ZDHHC20: variants seen among roughly 807,000 people sequenced by gnomAD.
The protein encoded by ZDHHC20 is zDHHC palmitoyltransferase 20.
Under a neutral mutation model 57.8 loss-of-function variants are expected in ZDHHC20, and 43 were observed. That is an observed-to-expected ratio of 0.74 (90% confidence interval 0.58 to 0.96). The LOEUF (loss-of-function observed/expected upper bound fraction) is 0.96. Among genes scored for constraint, ZDHHC20 ranks in the 40% least tolerant of loss-of-function variants. The probability of loss-of-function intolerance (pLI) is 0.00; values close to 1 mark genes in which losing one functional copy is unlikely to be tolerated. For missense variants in ZDHHC20, 391 were observed against 441.1 expected (o/e 0.89, Z 1.02); for synonymous variants, 157 against 153.0 (o/e 1.03, Z -0.19).
chr13:21,448,415 TG>T (rs1389002092), intron 1 of ZDHHC20, among the ~76,000 whole-genome samples: 1 of 51,120 alleles, frequency 2.0e-5, no homozygotes. Flanking sequence ...GGGAGGGAGG[TG>T]GGGGGGTCAG....
intron 1 of ZDHHC20, among the ~76,000 whole-genome samples, chr13:21,456,194 T>C (rs1045500381): frequency 2.6e-5 from 4 of 151,862 alleles, no homozygotes; most frequent in Admixed American, 1.3e-4. Context: ...TTGCCTGAGG[T>C]CAGGAGTTTG....
intron 11 of ZDHHC20, among the ~76,000 whole-genome samples, chr13:21,380,729 T>G (rs1468769615): frequency 6.6e-6 from 1 of 150,776 alleles, no homozygotes; most frequent in Non-Finnish European, 1.5e-5. Flanking sequence ...GAGGCGGAGG[T>G]TGCAGTAAGC....
chr13:21,383,708 A>G (rs1227288732), intron 9 of ZDHHC20, among the ~76,000 whole-genome samples: 1 of 152,136 alleles, frequency 6.6e-6, no homozygotes, highest in Non-Finnish European at 1.5e-5. Context: ...AGTTCCACAT[A>G]TTTATTTATT....
At chr13:21,458,304 G>A (rs1029755869) in intron 1 of ZDHHC20, among the ~76,000 whole-genome samples, 2 of 152,132 alleles carry the variant, frequency 1.3e-5, no homozygotes, top group Non-Finnish European at 2.9e-5. Context: ...CAGGAAAATG[G>A]AAGTAACGAA....
At chr13:21,455,526 C>G (rs1294004143) in intron 1 of ZDHHC20, among the ~76,000 whole-genome samples, 2 of 152,132 alleles carry the variant, frequency 1.3e-5, no homozygotes, top group Admixed American at 6.6e-5. Flanking sequence ...ACCAATATTA[C>G]TAATTACTTA....
At chr13:21,403,253 C>T (rs559024479) in intron 4 of ZDHHC20, among the ~76,000 whole-genome samples, 3 of 151,070 alleles carry the variant, frequency 2.0e-5, no homozygotes, top group African/African-American at 4.9e-5. Context: ...ACTTTTAAGG[C>T]ATCCTGTGGG....
At chr13:21,393,548 T>C (rs1165088281) in intron 7 of ZDHHC20, among the ~76,000 whole-genome samples, 2 of 149,200 alleles carry the variant, frequency 1.3e-5, no homozygotes, top group African/African-American at 5.0e-5. Flanking sequence ...CTACTAAAAA[T>C]GCAAAAATTA....
At chr13:21,430,226 G>GA (rs1881753344) in intron 1 of ZDHHC20, among the ~76,000 whole-genome samples, 1 of 152,132 alleles carries the variant, frequency 6.6e-6, no homozygotes, top group South Asian at 2.1e-4. Context: ...TCCGTGCAGT[G>GA]AGAGATGTGG....
intron 4 of ZDHHC20, among the ~76,000 whole-genome samples, chr13:21,405,385 A>AT (rs1272146548): frequency 5.9e-5 from 9 of 152,160 alleles, no homozygotes; most frequent in South Asian, 2.1e-4. Flanking sequence ...TAGCTCAGCT[A>AT]TTTTTTTCCC....
chr13:21,401,552 T>TCTCTTTGTAAAGAGAAGGCC, intron 6 of ZDHHC20, 101 bp downstream of exon 6: 1 of 979,752 alleles, frequency 1.0e-6, no homozygotes, highest in East Asian at 2.7e-5. Flanking sequence ...TCAATCTTAA[T>TCTCTTTGTAAAGAGAAGGCC]ATCTATGAGT....
At chr13:21,403,723 C>T (rs1441353077) in intron 4 of ZDHHC20, among the ~76,000 whole-genome samples, 1 of 152,004 alleles carries the variant, frequency 6.6e-6, no homozygotes, top group Non-Finnish European at 1.5e-5. Context: ...AGTGTCGCTC[C>T]GTCGCCCAGG....
At chr13:21,444,994 T>C (rs898582522) in intron 1 of ZDHHC20, among the ~76,000 whole-genome samples, 1 of 152,048 alleles carries the variant, frequency 6.6e-6, no homozygotes, top group African/African-American at 2.4e-5. Flanking sequence ...AGTTTGAGGA[T>C]GCAGTGAGCT....
Position 21,404,211 on chromosome 13 carries a change from G to A in ZDHHC20, c.371-1345C>T, listed in dbSNP as rs370685200. ...CCATACAGAATACATTTATGACTGG[G>A]TGCGGTGGCTCACTTGGAAATAACC... On this transcript the variant is annotated intron_variant, in intron 4 of 12. Transcript: ENST00000400590. 98 of 445,308 alleles carry A rather than the reference G, an allele frequency of 2.2e-4. No homozygotes were observed. The East Asian group carries it at 6.5e-3, about 30-fold the overall frequency. The allele number at this position is 445,308 out of a possible 1,614,324, so 27.6% of individuals were successfully genotyped here.
intron 4 of ZDHHC20, chr13:21,404,207 C>A: frequency 2.3e-6 from 1 of 437,932 alleles, no homozygotes. Context: ...ACATTTATGA[C>A]TGGGTGCGGT....
chr13:21,454,031 A>G (rs797003943), intron 1 of ZDHHC20, among the ~76,000 whole-genome samples: 2 of 152,092 alleles, frequency 1.3e-5, no homozygotes, highest in African/African-American at 4.8e-5. Flanking sequence ...TATTTTTTGT[A>G]GAGATGGAGT....
At chr13:21,379,427 A>C (rs1285324005) in intron 11 of ZDHHC20, among the ~76,000 whole-genome samples, 1 of 151,954 alleles carries the variant, frequency 6.6e-6, no homozygotes, top group African/African-American at 2.4e-5. Flanking sequence ...GACTACAGAC[A>C]CATGCTATCA....
At chr13:21,392,522 T>A (rs1202563735) in intron 7 of ZDHHC20, among the ~76,000 whole-genome samples, 1 of 152,236 alleles carries the variant, frequency 6.6e-6, no homozygotes, top group South Asian at 2.1e-4. Context: ...TTGTGCATAG[T>A]TAGCAATTTT....
At chr13:21,390,897 C>CA (rs972225021) in intron 8 of ZDHHC20, among the ~76,000 whole-genome samples, 15 of 123,238 alleles carry the variant, frequency 1.2e-4, no homozygotes, top group African/African-American at 3.1e-4. Flanking sequence ...GACTCTGTCT[C>CA]AAAAAAAAGA....
In ZDHHC20 at chr13:21,447,706, C is replaced by T. The variant is rs1360430725; in HGVS notation, c.118+11348G>A. 3.1e-4 allele frequency among the ~76,000 whole-genome samples: 35 copies of T among 113,144 alleles called. 1 individual carries two copies. Among genetic ancestry groups the T allele is most frequent in the African/African-American group, 1.0e-3 (33 of 32,406 alleles). 74.2% of individuals were successfully genotyped at this position (113,144 alleles called of 152,430 possible). On this transcript the variant is annotated intron_variant, in intron 1 of 12. Coordinates refer to ENST00000400590, the MANE Select transcript of ZDHHC20 (RefSeq NM_001330059.2). ...TGCAGCCTCTGCCCGGCCGCCACCC[C>T]GTCTGGGAAGTGAGGAGTGTCTCTG...
Sources: allele counts gnomAD v4.1 joint callset (sites outside exome capture counted in the v4.1 genomes callset), GRCh38; gene constraint gnomAD v4.1.1; transcripts MANE v1.5; gene names NCBI Gene and HGNC (gene_info 2026-07-23, HGNC 2026-07-21).